Variants in MRRF observed in about 807,000 individuals in gnomAD.
The protein encoded by MRRF is ribosome-recycling factor, mitochondrial.
MRRF carries 18 observed loss-of-function variants against 25.1 expected under a neutral mutation model. The ratio of observed to expected loss-of-function variants is 0.72; its 90% CI spans 0.50 to 1.06. The LOEUF (loss-of-function observed/expected upper bound fraction) is 1.06, where lower values mean the gene tolerates loss of function less well. MRRF is among the 50% of genes least tolerant of loss of function. MRRF has a pLI of 0.00. For missense variants in MRRF, 323 were observed against 319.3 expected, an observed-to-expected ratio of 1.01 and a Z score of -0.09; for synonymous variants, 113 against 112.1, an observed-to-expected ratio of 1.01 and a Z score of -0.05.
chr9:122,330,088 G>T lies in MRRF; in HGVS notation c.*7471G>T, dbSNP rs1235420510. The T allele has an allele frequency of 6.6e-6, 1 of 152,368 alleles. No individual in the cohort carries two copies. Among genetic ancestry groups the T allele is most frequent in the Non-Finnish European group, 1.5e-5 (1 of 68,182 alleles). The allele number at this position is 152,368 out of a possible 1,614,324, so 9.4% of individuals were successfully genotyped here. On this transcript the variant is annotated 3_prime_UTR_variant, in exon 7 of 7. Transcript: ENST00000344641. The surrounding 1 kb of genome is among the most constrained non-coding windows in gnomAD (Gnocchi z 4.2). ...GACCGCATGGCATCCAAGGCCACTG[G>T]CATCTACTGTACTCCCCTCCCACCG...
chr9:122,287,992 G>A (rs1833516670), intron 4 of MRRF, among the ~76,000 whole-genome samples: 1 of 152,168 alleles, frequency 6.6e-6, no homozygotes, highest in Non-Finnish European at 1.5e-5. Context: ...CATACAGTTG[G>A]CTTTCTTTCC....
intron 3 of MRRF, 92 bp downstream of exon 3, chr9:122,280,690 C>G: frequency 7.9e-7 from 1 of 1,270,420 alleles, no homozygotes; most frequent in East Asian, 2.4e-5. Flanking sequence ...TTGCCATTTA[C>G]TAACTGGTGG....
Position 122,291,826 on chromosome 9 carries a change from G to A in MRRF, c.537G>A (p.Arg179=), listed in dbSNP as rs1269076567. The A allele has an allele frequency of 3.1e-6, 5 of 1,613,244 alleles. No homozygotes were observed. The highest frequency in any genetic ancestry group is 2.2e-5 in the South Asian group (2 of 91,064). Residue 179 remains arginine, a synonymous_variant, in exon 5 of 7, where the codon CGG becomes CGA. Coordinates refer to ENST00000344641, the MANE Select transcript of MRRF (RefSeq NM_138777.5). ...LNPEVEGTLI[R]VPIPQVTREH... is the part of the protein sequence containing the mutation. ...CAGAAGTGGAAGGGACGCTAATTCG[G>A]GTACCCATTCCCCAGTAAGTTTGGC...
At chr9:122,296,399 G>A (rs1834086312) in intron 5 of MRRF, among the ~76,000 whole-genome samples, 1 of 152,112 alleles carries the variant, frequency 6.6e-6, no homozygotes, top group Non-Finnish European at 1.5e-5. Context: ...CTAAACTAGA[G>A]GTATAATGCC....
At chr9:122,266,457 T>G (rs1832092336) in intron 1 of MRRF, among the ~76,000 whole-genome samples, 2 of 152,282 alleles carry the variant, frequency 1.3e-5, no homozygotes, top group South Asian at 4.1e-4. Flanking sequence ...AATGGCATGT[T>G]TGAAGACCCT....
chr9:122,266,508 T>C (rs1832095565), intron 1 of MRRF, among the ~76,000 whole-genome samples: 1 of 152,242 alleles, frequency 6.6e-6, no homozygotes, highest in Non-Finnish European at 1.5e-5. Flanking sequence ...ATCACTTTTC[T>C]TATTTTGCAA....
In MRRF at chr9:122,297,187, C is replaced by T. The variant is rs867192167; in HGVS notation, c.551+5347C>T. Among the ~76,000 whole-genome samples, 4 of 152,204 alleles carry T rather than the reference C, an allele frequency of 2.6e-5. No individual in the cohort carries two copies. In the South Asian group the frequency reaches 6.2e-4, roughly 24 times the overall value. On this transcript the variant is annotated intron_variant, in intron 5 of 6. Transcript: ENST00000344641. ...AATTAGCTGGGCATGGTGGCGTGCG[C>T]CTGTAATCCCAGCTACTCAGGAAGC...
At chr9:122,272,615 T>G (rs1832532617) in intron 2 of MRRF, among the ~76,000 whole-genome samples, 1 of 152,108 alleles carries the variant, frequency 6.6e-6, no homozygotes, top group Non-Finnish European at 1.5e-5. Flanking sequence ...CAGAAGTTGG[T>G]TGTTTGACTT....
rs1836082290 is a variant in MRRF, at chr9:122,324,926, G to T, written c.*2309G>T. The T allele has an allele frequency of 6.6e-6, 1 of 152,228 alleles. No homozygotes were observed. Among genetic ancestry groups the T allele is most frequent in the Admixed American group, 6.5e-5 (1 of 15,284 alleles). The allele number at this position is 152,228 out of a possible 1,614,324, so 9.4% of individuals were successfully genotyped here. A position where few individuals can be genotyped will look rare whatever the true frequency, so the allele number is the denominator to read the frequency against. On this transcript the variant is annotated 3_prime_UTR_variant, in exon 7 of 7. Transcript: ENST00000344641. ...TCACATGATCAGAAGTCAGCTGGGGGAAGAGCAGGGATAGATAGAGCAATT... is the reference window on the plus strand; with the variant it reads ...TCACATGATCAGAAGTCAGCTGGGGTAAGAGCAGGGATAGATAGAGCAATT...
At chr9:122,268,214 G>A (rs1051759189) in intron 1 of MRRF, among the ~76,000 whole-genome samples, 1 of 152,212 alleles carries the variant, frequency 6.6e-6, no homozygotes, top group Non-Finnish European at 1.5e-5. Context: ...CAGCGATGTG[G>A]TTTATTTATA....
chr9:122,313,179 A>G (rs751892742), intron 5 of MRRF, 48 bp from the exon 6 acceptor site: 1 of 1,581,778 alleles, frequency 6.3e-7, no homozygotes. Flanking sequence ...CTTGGCCAGC[A>G]GTTAATGTAT....
chr9:122,311,728 C>A (rs947269268), intron 5 of MRRF, among the ~76,000 whole-genome samples: 1 of 151,862 alleles, frequency 6.6e-6, no homozygotes, highest in Non-Finnish European at 1.5e-5. Context: ...AGTGAGATAC[C>A]TATTTGAAAT....
chr9:122,328,280 A>C lies in MRRF; in HGVS notation c.*5663A>C, dbSNP rs1836193247. ...TGAGCTTCTGTGCCCAGCCTTAACC[A>C]TTTTAAGTGTACAGTTCAGTAGCAT... On this transcript the variant is annotated 3_prime_UTR_variant, in exon 7 of 7. Transcript: ENST00000344641. 6.6e-6 allele frequency: 1 copy of C among 152,246 alleles called. No individual in the cohort carries two copies. Among genetic ancestry groups the C allele is most frequent in the East Asian group, 1.9e-4 (1 of 5,178 alleles). The allele number at this position is 152,246 out of a possible 1,614,324, so 9.4% of individuals were successfully genotyped here.
intron 4 of MRRF, among the ~76,000 whole-genome samples, chr9:122,289,346 A>G (rs1358841518): frequency 6.6e-6 from 1 of 152,216 alleles, no homozygotes; most frequent in African/African-American, 2.4e-5. Context: ...TCTAACTTGT[A>G]CTGGGAAGAT....
chr9:122,275,317 G>A (rs1390981250), intron 2 of MRRF, among the ~76,000 whole-genome samples: 3 of 151,992 alleles, frequency 2.0e-5, no homozygotes, highest in Non-Finnish European at 4.4e-5. Flanking sequence ...TTTATTCTCT[G>A]TGTGTATTCA....
At chr9:122,279,907 A>G (rs1161303190) in intron 2 of MRRF, among the ~76,000 whole-genome samples, 2 of 152,208 alleles carry the variant, frequency 1.3e-5, no homozygotes, top group Non-Finnish European at 2.9e-5. Flanking sequence ...TGAAAAGTTC[A>G]TGGGTTTAAA....
intron 5 of MRRF, among the ~76,000 whole-genome samples, chr9:122,303,184 A>G (rs1278521053): frequency 6.6e-6 from 1 of 152,026 alleles, no homozygotes; most frequent in African/African-American, 2.4e-5. Flanking sequence ...AGTATAACGA[A>G]AAGTTCATTT....
intron 6 of MRRF, among the ~76,000 whole-genome samples, chr9:122,321,067 T>TA (rs1835864792): frequency 1.3e-5 from 2 of 152,228 alleles, no homozygotes; most frequent in African/African-American, 4.8e-5. Context: ...GAGAACTTGA[T>TA]ATGTGTTAGG....
chr9:122,271,869 C>T (rs1171734937), intron 2 of MRRF, among the ~76,000 whole-genome samples: 1 of 152,158 alleles, frequency 6.6e-6, no homozygotes, highest in Non-Finnish European at 1.5e-5. Context: ...GAGTCCTCCC[C>T]CAAGAATGGC....
Sources: gnomAD v4.1 joint callset for allele counts (sites outside exome capture counted in the v4.1 genomes callset) on GRCh38, gnomAD v4.1.1 for gene constraint, Gnocchi (gnomAD v3.1) non-coding constraint, MANE v1.5 for transcripts, NCBI Gene and HGNC (gene_info 2026-07-23, HGNC 2026-07-21) for gene names.